The following PRAM1 variants were observed in gnomAD, a reference collection of about 807,000 sequenced individuals.
PRAM1 encodes PML-RARA regulated adaptor molecule 1.
A neutral mutation model predicts 55.3 loss-of-function variants in PRAM1; 41 were observed. The ratio of observed to expected loss-of-function variants is 0.74; its 90% CI spans 0.58 to 0.96. The LOEUF (loss-of-function observed/expected upper bound fraction) is 0.96, where lower values mean the gene tolerates loss of function less well. PRAM1 is among the 40% of genes least tolerant of loss of function. PRAM1 has a pLI of 0.00. For synonymous variants in PRAM1, 401 were observed against 387.1 expected, an observed-to-expected ratio of 1.04 and a Z score of -0.42; for missense variants, 898 against 892.7, an observed-to-expected ratio of 1.01 and a Z score of -0.08.
chr19:8,490,444 A>G lies in PRAM1; in HGVS notation c.1940+32T>C, dbSNP rs775930541. Reference sequence around the variant, plus strand: ...CCCCACCCTGCACCACACACCCCGCACTCCCCCACCACGGTCAGGGCTGGC... The same window carrying G: ...CCCCACCCTGCACCACACACCCCGCGCTCCCCCACCACGGTCAGGGCTGGC... On this transcript the variant is annotated intron_variant, in intron 8 of 9. Transcript: ENST00000423345. This position sits in a 1 kb window ranked among gnomAD's most constrained non-coding sequence, Gnocchi z 7.3. 1.2e-6 allele frequency: 2 copies of G among 1,611,888 alleles called. No homozygotes were observed. The highest frequency in any genetic ancestry group is 1.7e-6 in the Non-Finnish European group (2 of 1,179,356).
chr19:8,502,518 T>TCC, intron 1 of PRAM1, 47 bp downstream of exon 1: 2 of 1,386,706 alleles, frequency 1.4e-6, no homozygotes, highest in East Asian at 6.5e-5. Flanking sequence ...AACATCTGTG[T>TCC]CCCTTGCTTC....
rs1266334718 is a variant in PRAM1 at position 8,499,140 on chromosome 19, A to T, written c.668T>A (p.Val223Glu). ...AGGCTGCGGAGGCTTTTTGGGGTAC[A>T]CGTTGAACTCAGGCTGCGCAGGCTT... ...PKKPAQPEFN[V>E]YPKKPPQPQV... The change falls in exon 2 of 10, where the codon GTG becomes GAG. Residue 223 changes from valine to glutamate, a missense_variant. Val to Glu is a moderately radical substitution (Grantham distance 121, BLOSUM62 -2). Around this residue, in one of 4 missense-constraint regions of PRAM1, gnomAD observed 787 missense variants for 735.4 expected, o/e 1.07. Transcript: ENST00000423345. 1.9e-6 allele frequency: 3 copies of T among 1,611,708 alleles called. No individual in the cohort carries two copies. The highest frequency in any genetic ancestry group is 1.7e-6 in the Non-Finnish European group (2 of 1,179,258).
intron 1 of PRAM1, among the ~76,000 whole-genome samples, chr19:8,501,946 C>T (rs377699887): frequency 3.9e-5 from 6 of 152,312 alleles, no homozygotes; most frequent in East Asian, 3.9e-4. Context: ...GTCCTACAAA[C>T]GCCCCTTTCA....
chr19:8,501,507 ATTTTTTTTTTT>A (rs773534887), intron 1 of PRAM1, among the ~76,000 whole-genome samples: 1 of 102,858 alleles, frequency 9.7e-6, no homozygotes, highest in Non-Finnish European at 1.9e-5. Flanking sequence ...ATGTGTCTTG[ATTTTTTTTTTT>A]TTTTTTTTTT....
chr19:8,501,103 T>C (rs1599884891), intron 1 of PRAM1, among the ~76,000 whole-genome samples: 1 of 148,512 alleles, frequency 6.7e-6, no homozygotes, highest in East Asian at 2.0e-4. Context: ...TCTTTCTTTT[T>C]TTTTTTTTTT....
At position 8,498,882 on chromosome 19, in the gene PRAM1, G is replaced by T. The variant is rs569501823; in HGVS notation, c.926C>A (p.Pro309Gln). 19 of 1,612,890 alleles carry T rather than the reference G, an allele frequency of 1.2e-5. No homozygotes were observed. Among genetic ancestry groups the T allele is most frequent in the African/African-American group, 1.3e-5 (1 of 74,902 alleles). ...GAGCGCTTTGAATTCGGCCGGCCGC[G>T]GCCTCTTGGGAAGCACGCTGACTTC... Reference protein sequence around the residue: ...EPEVSVLPKRPRPAEFKALSK... With the variant: ...EPEVSVLPKRQRPAEFKALSK... Residue 309 changes from proline (P) to glutamine (Q), a missense_variant, in exon 2 of 10, where the codon CCG becomes CAG. Coordinates refer to ENST00000423345, the MANE Select transcript of PRAM1 (RefSeq NM_032152.5).
At chr19:8,497,473 G>A (rs1286737129) in intron 4 of PRAM1, among the ~76,000 whole-genome samples, 5 of 151,918 alleles carry the variant, frequency 3.3e-5, no homozygotes, top group Admixed American at 6.6e-5. Flanking sequence ...CTCCTGCCTC[G>A]GGCTCCCAAA....
At chr19:8,495,389 C>T (rs541737121) in intron 4 of PRAM1, among the ~76,000 whole-genome samples, 48 of 152,198 alleles carry the variant, frequency 3.2e-4, no homozygotes, top group Non-Finnish European at 6.2e-4. Context: ...CGTGAGCCAC[C>T]ACGCCCGGCC....
At chr19:8,497,954 T>G (rs1203991411) in intron 3 of PRAM1, 114 bp from the exon 4 acceptor site, 1 of 789,852 alleles carries the variant, frequency 1.3e-6, no homozygotes, top group Non-Finnish European at 1.9e-6. Context: ...GATCTCGGGC[T>G]CACTGCAGCC....
intron 4 of PRAM1, among the ~76,000 whole-genome samples, chr19:8,495,732 C>G: frequency 6.9e-6 from 1 of 144,244 alleles, no homozygotes; most frequent in Non-Finnish European, 1.5e-5. Flanking sequence ...TAGGGACATG[C>G]AGGGAGTGGA....
At chr19:8,500,820 C>T (rs1036331161) in intron 1 of PRAM1, among the ~76,000 whole-genome samples, 15 of 152,290 alleles carry the variant, frequency 9.8e-5, no homozygotes, top group African/African-American at 3.6e-4. Context: ...GACTGGAGTG[C>T]AATGGCGCGA....
At chr19:8,495,277 T>G (rs1971683253) in intron 4 of PRAM1, among the ~76,000 whole-genome samples, 1 of 151,970 alleles carries the variant, frequency 6.6e-6, no homozygotes, top group South Asian at 2.1e-4. Context: ...TTTTTGTATT[T>G]TTAGTAGAGA....
chr19:8,501,507 ATTTTT>A (rs773534887), intron 1 of PRAM1, among the ~76,000 whole-genome samples: 14 of 102,848 alleles, frequency 1.4e-4, no homozygotes, highest in African/African-American at 4.3e-4. Context: ...ATGTGTCTTG[ATTTTT>A]TTTTTTTTTT....
At position 8,490,348 on chromosome 19, in the gene PRAM1, G is replaced by A. The variant is rs771322235; in HGVS notation, c.1965C>T (p.Val655=). Residue 655 remains valine (V), a synonymous_variant, in exon 9 of 10, where the codon GTC becomes GTT. Transcript: ENST00000423345. The surrounding 1 kb of genome is among the most constrained non-coding windows in gnomAD (Gnocchi z 7.3). ...LPLETEVYDD[V]DFCDPLENQP... is the part of the protein sequence containing the mutation. ...AGAGTGTCCACGTACCGCAGAAGTC[G>A]ACATCATCGTACACCTCCGTCTCCC... is the stretch of plus-strand genomic sequence containing the variant. 6.8e-6 allele frequency: 11 copies of A among 1,613,856 alleles called. No individual in the cohort carries two copies. The highest frequency in any genetic ancestry group is 1.6e-4 in the Middle Eastern group (1 of 6,084).
intron 1 of PRAM1, among the ~76,000 whole-genome samples, chr19:8,500,450 G>C (rs1897840570): frequency 6.6e-6 from 1 of 151,972 alleles, no homozygotes; most frequent in African/African-American, 2.4e-5. Context: ...TCCCTGGTCA[G>C]TTCCCCCCAT....
intron 1 of PRAM1, among the ~76,000 whole-genome samples, chr19:8,500,509 T>C (rs1971791973): frequency 6.6e-6 from 1 of 152,120 alleles, no homozygotes; most frequent in African/African-American, 2.4e-5. Flanking sequence ...TTTGTGTCCC[T>C]CTGCTCAAAA....
intron 4 of PRAM1, 145 bp downstream of exon 4, chr19:8,497,619 C>G: frequency 1.6e-6 from 1 of 615,306 alleles, no homozygotes; most frequent in Non-Finnish European, 2.8e-6. Flanking sequence ...CTCACTGGTC[C>G]TTCGCCTCTG....
intron 1 of PRAM1, 103 bp downstream of exon 1, chr19:8,502,462 C>CCG: frequency 2.0e-6 from 1 of 505,610 alleles, no homozygotes; most frequent in Non-Finnish European, 3.5e-6. Context: ...CAGCCACCCC[C>CCG]CGCCCCCCCG....
chr19:8,497,699 G>A, intron 4 of PRAM1, 65 bp downstream of exon 4: 1 of 1,361,116 alleles, frequency 7.3e-7, no homozygotes. Context: ...CTTACACCAG[G>A]AGCATGGCAG....
Sources: allele counts gnomAD v4.1 joint callset (sites outside exome capture counted in the v4.1 genomes callset), GRCh38; gene constraint gnomAD v4.1.1; regional missense constraint gnomAD v4.1.1; non-coding constraint Gnocchi (gnomAD v3.1); transcripts MANE v1.5; gene names NCBI Gene and HGNC (gene_info 2026-07-23, HGNC 2026-07-21).